VPS53: variants seen among roughly 807,000 people sequenced by gnomAD.
The protein encoded by VPS53 is vacuolar protein sorting-associated protein 53 homolog.
VPS53 carries 70 observed loss-of-function variants against 107.0 expected under a neutral mutation model. That is an observed-to-expected ratio of 0.65 (90% CI 0.54 to 0.80). The LOEUF is 0.80. VPS53 is among the 30% of genes least tolerant of loss of function. The probability of loss-of-function intolerance (pLI) is 0.00; values close to 1 mark genes in which losing one functional copy is unlikely to be tolerated. For missense variants in VPS53, 917 were observed against 1,049.4 expected, an observed-to-expected ratio of 0.87 and a Z score of 1.74; for synonymous variants, 409 against 393.3, an observed-to-expected ratio of 1.04 and a Z score of -0.47.
In VPS53 at chr17:699,021, G is replaced by T. The variant is rs2657629; in HGVS notation, c.218+310C>A. ...CGTCTCTACTAAAAGTACAAAATTT[G>T]CCAGGCGTGGTGGCTCACACCTGTA... On this transcript the variant is annotated intron_variant, in intron 3 of 21. Coordinates refer to ENST00000437048, the MANE Select transcript of VPS53 (RefSeq NM_001128159.3). 0.39 allele frequency among the ~76,000 whole-genome samples: 58,578 copies of T among 151,684 alleles called. 13,483 individuals are homozygous for T. Among genetic ancestry groups the T allele is most frequent in the Non-Finnish European group, 0.52 (35,106 of 67,874 alleles).
In VPS53 at chr17:511,828, G is replaced by C. The variant is rs1162425157; in HGVS notation, c.*7300C>G. On this transcript the variant is annotated 3_prime_UTR_variant, in exon 22 of 22. Transcript: ENST00000437048. ...AAGGCAGGCAAGAATTTTTGTCCCTGTCGGGAGAAGAGTCTGGTCTGTGGA... is the reference window on the plus strand; with the variant it reads ...AAGGCAGGCAAGAATTTTTGTCCCTCTCGGGAGAAGAGTCTGGTCTGTGGA... The C allele has an allele frequency of 6.6e-6, 1 of 152,240 alleles. No homozygotes were observed. The highest frequency in any genetic ancestry group is 1.5e-5 in the Non-Finnish European group (1 of 68,044). The allele number at this position is 152,240 out of a possible 1,614,324, so 9.4% of individuals were successfully genotyped here.
chr17:542,345 A>G (rs777592460), intron 17 of VPS53, among the ~76,000 whole-genome samples: 2 of 152,212 alleles, frequency 1.3e-5, no homozygotes, highest in Non-Finnish European at 2.9e-5. Flanking sequence ...AAGATGCTGA[A>G]ATTGAGTCAG....
At chr17:592,282 G>A (rs8077122) in intron 12 of VPS53, among the ~76,000 whole-genome samples, 76,828 of 151,944 alleles carry the variant, frequency 0.51, 20,491 homozygotes, top group East Asian at 0.78. Context: ...CCTATGTGGT[G>A]TCTCTGCCCG....
At chr17:642,958 C>T (rs1970497177) in intron 7 of VPS53, among the ~76,000 whole-genome samples, 1 of 107,868 alleles carries the variant, frequency 9.3e-6, no homozygotes, top group Non-Finnish European at 2.2e-5. Context: ...CCGAGGACAA[C>T]TCTCATACTT....
intron 6 of VPS53, among the ~76,000 whole-genome samples, chr17:653,967 G>A (rs919132806): frequency 6.6e-6 from 1 of 152,162 alleles, no homozygotes; most frequent in Non-Finnish European, 1.5e-5. Context: ...AGGCCGAGGC[G>A]GGCAGATCAC....
intron 4 of VPS53, among the ~76,000 whole-genome samples, chr17:690,977 A>G (rs1000428285): frequency 2.6e-5 from 4 of 152,208 alleles, no homozygotes; most frequent in Non-Finnish European, 4.4e-5. Flanking sequence ...CCCTAAGTTA[A>G]TGAGCTCGGC....
At chr17:663,779 C>T (rs1178567921) in intron 4 of VPS53, among the ~76,000 whole-genome samples, 4 of 152,080 alleles carry the variant, frequency 2.6e-5, no homozygotes, top group Non-Finnish European at 5.9e-5. Flanking sequence ...TGAATGCCTC[C>T]CATATACCAG....
chr17:609,122 T>C (rs2143011823), intron 11 of VPS53, among the ~76,000 whole-genome samples: 2 of 152,216 alleles, frequency 1.3e-5, no homozygotes, highest in East Asian at 3.9e-4. Flanking sequence ...TCCAGAACAT[T>C]TTTCACCCCC....
chr17:519,413 TC>T lies in VPS53; in HGVS notation c.2329-116del. 1 of 1,113,382 alleles carries T rather than the reference TC, an allele frequency of 9.0e-7. No homozygotes were observed. Among genetic ancestry groups the T allele is most frequent in the Non-Finnish European group, 1.2e-6 (1 of 820,882 alleles). 69.0% of individuals were successfully genotyped at this position (1,113,382 alleles called of 1,614,324 possible). ...GAGGCTCTGGAGACAGCATAGTTAC[TC>T]CAGGCTGAGGATGAACCGTTTCCTC... On this transcript the variant is annotated intron_variant, in intron 21 of 21. Transcript: ENST00000437048. The surrounding 1 kb of genome is among the most constrained non-coding windows in gnomAD (Gnocchi z 5.0).
chr17:538,156 G>A (rs971052894), intron 17 of VPS53: 3 of 152,308 alleles, frequency 2.0e-5, no homozygotes, highest in Admixed American at 2.0e-4. Flanking sequence ...TTGAGTCCTG[G>A]GAACAGAAGG....
intron 12 of VPS53, among the ~76,000 whole-genome samples, chr17:599,718 CCT>C (rs1355651106): frequency 1.5e-4 from 23 of 150,186 alleles, no homozygotes; most frequent in African/African-American, 5.4e-4. Context: ...GCCAAATCCC[CCT>C]CTGTGAGAAA....
chr17:663,619 G>A (rs1181833459), intron 4 of VPS53, among the ~76,000 whole-genome samples: 1 of 152,194 alleles, frequency 6.6e-6, no homozygotes, highest in African/African-American at 2.4e-5. Flanking sequence ...TAAAGTGTCT[G>A]TGAGCGTGTC....
chr17:640,397 A>G (rs1338216674), intron 7 of VPS53, among the ~76,000 whole-genome samples: 3 of 152,048 alleles, frequency 2.0e-5, no homozygotes, highest in Non-Finnish European at 4.4e-5. Flanking sequence ...GGTGGGCTGC[A>G]CCCACTGTCC....
chr17:659,269 G>A (rs1054345396), intron 5 of VPS53, among the ~76,000 whole-genome samples: 2 of 151,900 alleles, frequency 1.3e-5, no homozygotes, highest in African/African-American at 4.8e-5. Context: ...AACATAGGGA[G>A]TCTTTATTTA....
In VPS53 at chr17:509,769, C is replaced by G. The variant is rs1351505830; in HGVS notation, c.*9359G>C. The stretch of plus-strand genomic sequence containing the variant: ...CACGTATTGAATCCTGGCTCACCCC[C>G]TTACTAGTCACATATCAAATCCTGG... On this transcript the variant is annotated 3_prime_UTR_variant, in exon 22 of 22. Transcript: ENST00000437048. 1.7e-5 allele frequency: 3 copies of G among 177,756 alleles called. No homozygotes were observed. Among genetic ancestry groups the G allele is most frequent in the Non-Finnish European group, 3.6e-5 (3 of 83,588 alleles). The allele number at this position is 177,756 out of a possible 1,614,324, so 11.0% of individuals were successfully genotyped here. A position where few individuals can be genotyped will look rare whatever the true frequency, so the allele number is the denominator to read the frequency against.
intron 5 of VPS53, among the ~76,000 whole-genome samples, chr17:656,331 T>A (rs1023830867): frequency 1.3e-5 from 2 of 152,186 alleles, no homozygotes; most frequent in African/African-American, 4.8e-5. Context: ...CTGGGCCATA[T>A]AAAACACCTA....
At chr17:709,702 G>A (rs757025727) in intron 2 of VPS53, among the ~76,000 whole-genome samples, 14 of 152,126 alleles carry the variant, frequency 9.2e-5, no homozygotes, top group African/African-American at 3.1e-4. Context: ...AAATGGAAAC[G>A]AAGCGGGACT....
chr17:644,312 C>G (rs1374808207), intron 7 of VPS53, among the ~76,000 whole-genome samples: 1 of 152,182 alleles, frequency 6.6e-6, no homozygotes, highest in African/African-American at 2.4e-5. Flanking sequence ...ACTTTACAGA[C>G]AGCAAGACAG....
At chr17:650,149 T>C (rs1970880886) in intron 7 of VPS53, among the ~76,000 whole-genome samples, 1 of 152,092 alleles carries the variant, frequency 6.6e-6, no homozygotes. Flanking sequence ...AAGAAAGGAA[T>C]AAAGGAGAAT....
Sources: allele counts gnomAD v4.1 joint callset (sites outside exome capture counted in the v4.1 genomes callset), GRCh38; gene constraint gnomAD v4.1.1; non-coding constraint Gnocchi (gnomAD v3.1); transcripts MANE v1.5; gene names NCBI Gene and HGNC (gene_info 2026-07-23, HGNC 2026-07-21).